Variants in FRMD3 observed in about 807,000 individuals in gnomAD.
FRMD3 encodes the protein FERM domain containing 3.
A neutral mutation model predicts 70.2 loss-of-function variants in FRMD3; 33 were observed. That is an observed-to-expected ratio of 0.47 (90% confidence interval 0.36 to 0.63). FRMD3 has a LOEUF of 0.63. FRMD3 is among the 20% of genes least tolerant of loss of function. The pLI, the probability that FRMD3 is intolerant of heterozygous loss-of-function variation, is 0.00. For missense variants in FRMD3, 632 were observed against 711.4 expected, an observed-to-expected ratio of 0.89 and a Z score of 1.27; for synonymous variants, 279 against 255.9, an observed-to-expected ratio of 1.09 and a Z score of -0.86.
the FRMD3 span, among the ~76,000 whole-genome samples, chr9:83,572,359 G>A: frequency 1.3e-5 from 2 of 152,238 alleles, no homozygotes; most frequent in African/African-American, 4.8e-5. Flanking sequence ...GGACAGGCCT[G>A]AAAGGGCAGC....
At chr9:83,375,794 A>G (rs139352568) in intron 2 of FRMD3, among the ~76,000 whole-genome samples, 1,931 of 152,274 alleles carry the variant, frequency 0.013, 33 homozygotes, top group African/African-American at 0.044. Context: ...GTGTGATGAA[A>G]TAATCTGTAC....
intron 4 of FRMD3, among the ~76,000 whole-genome samples, chr9:83,347,311 T>C (rs541226314): frequency 2.6e-5 from 4 of 152,270 alleles, no homozygotes; most frequent in African/African-American, 9.6e-5. Flanking sequence ...TTTTATATAA[T>C]AGCTACCAAA....
chr9:83,375,329 C>T (rs28585601), intron 2 of FRMD3, among the ~76,000 whole-genome samples: 107,686 of 152,216 alleles, frequency 0.71, 38,346 homozygotes, highest in Admixed American at 0.73. Context: ...TCCTAAGAAA[C>T]ACACCTTGCA....
rs557296954 is a variant in FRMD3, at chr9:83,367,734, T to C, written c.295+5179A>G. Among the ~76,000 whole-genome samples the C allele has an allele frequency of 2.0e-5, 3 of 152,356 alleles. No homozygotes were observed. In the South Asian group the frequency reaches 6.2e-4, roughly 32 times the overall value. On this transcript the variant is annotated intron_variant, in intron 3 of 13. Transcript: ENST00000304195. ...AAAATCTCAAGCCTAATTTATTTAA[T>C]AGTTATAATACTACTCAAGTTATAT... is the stretch of plus-strand genomic sequence containing the variant.
intron 13 of FRMD3, among the ~76,000 whole-genome samples, chr9:83,265,349 G>A (rs1431006042): frequency 6.9e-5 from 10 of 144,722 alleles, no homozygotes; most frequent in Non-Finnish European, 1.0e-4. Flanking sequence ...GCAGTGAGCC[G>A]AGATGGTGCC....
At chr9:83,327,426 A>C (rs3903842) in intron 6 of FRMD3, among the ~76,000 whole-genome samples, 68,571 of 152,014 alleles carry the variant, frequency 0.45, 16,063 homozygotes, top group African/African-American at 0.59. Context: ...TATAGCATTC[A>C]TGTGGAATGT....
intron 13 of FRMD3, among the ~76,000 whole-genome samples, chr9:83,253,073 A>G (rs1832505783): frequency 6.6e-6 from 1 of 152,184 alleles, no homozygotes; most frequent in Non-Finnish European, 1.5e-5. Flanking sequence ...AAGAAGATAT[A>G]TTCTTATTGC....
chr9:83,501,998 A>C (rs1006914791), intron 1 of FRMD3, among the ~76,000 whole-genome samples: 2 of 152,222 alleles, frequency 1.3e-5, no homozygotes, highest in African/African-American at 4.8e-5. Flanking sequence ...CAACTCCTTT[A>C]AGTGCATGAA....
intron 13 of FRMD3, among the ~76,000 whole-genome samples, chr9:83,253,455 G>T (rs1832524130): frequency 6.6e-6 from 1 of 152,110 alleles, no homozygotes; most frequent in South Asian, 2.1e-4. Flanking sequence ...GTGGGCAAAA[G>T]ATATGAACAG....
chr9:83,557,481 C>T, the FRMD3 span, among the ~76,000 whole-genome samples: 2 of 152,092 alleles, frequency 1.3e-5, no homozygotes, highest in Non-Finnish European at 2.9e-5. Flanking sequence ...TAATTGGGAC[C>T]ACTGGAAGCA....
At chr9:83,283,748 T>C (rs1834074056) in intron 13 of FRMD3, among the ~76,000 whole-genome samples, 1 of 152,158 alleles carries the variant, frequency 6.6e-6, no homozygotes, top group Admixed American at 6.5e-5. Context: ...TAGATAAGAA[T>C]GTTCAGGATA....
At chr9:83,381,274 G>A (rs201713668) in intron 2 of FRMD3, among the ~76,000 whole-genome samples, 6 of 152,136 alleles carry the variant, frequency 3.9e-5, no homozygotes, top group South Asian at 4.1e-4. Flanking sequence ...AAGAAAATCC[G>A]CTGGGCACAG....
chr9:83,312,242 A>G (rs2031261), intron 7 of FRMD3, among the ~76,000 whole-genome samples: 24,123 of 152,140 alleles, frequency 0.16, 1,955 homozygotes, highest in South Asian at 0.22. Context: ...AATTAGTCCC[A>G]AATCACTATG....
intron 1 of FRMD3, among the ~76,000 whole-genome samples, chr9:83,477,471 G>T (rs1828428207): frequency 1.3e-5 from 2 of 152,120 alleles, no homozygotes. Flanking sequence ...CCTCCACAGA[G>T]ATTCTGATTT....
intron 1 of FRMD3, among the ~76,000 whole-genome samples, chr9:83,481,030 A>G (rs996296570): frequency 2.0e-5 from 3 of 152,236 alleles, no homozygotes; most frequent in Admixed American, 2.0e-4. Flanking sequence ...CTTTACATGA[A>G]AACACATAGA....
chr9:83,244,698 A>G lies in FRMD3; in HGVS notation c.*3220T>C, dbSNP rs1832004553. 1.0e-6 allele frequency: 1 copy of G among 984,966 alleles called. No homozygotes were observed. Among genetic ancestry groups the G allele is most frequent in the Admixed American group, 6.1e-5 (1 of 16,266 alleles). 61.0% of individuals were successfully genotyped at this position (984,966 alleles called of 1,614,324 possible). A position where few individuals can be genotyped will look rare whatever the true frequency, so the allele number is the denominator to read the frequency against. On this transcript the variant is annotated 3_prime_UTR_variant, in exon 14 of 14. Transcript: ENST00000304195. ...AAAACAATCTGGATGTTGACATAGA[A>G]ATGCAAATTTCACTATACAAAGGTA... is the stretch of plus-strand genomic sequence containing the variant.
the FRMD3 span, among the ~76,000 whole-genome samples, chr9:83,571,069 G>C: frequency 6.6e-6 from 1 of 152,194 alleles, no homozygotes; most frequent in African/African-American, 2.4e-5. Context: ...GAGTCATTGA[G>C]GCTGGGGGGG....
At chr9:83,501,001 T>TGA (rs1829056339) in intron 1 of FRMD3, among the ~76,000 whole-genome samples, 1 of 152,226 alleles carries the variant, frequency 6.6e-6, no homozygotes, top group East Asian at 1.9e-4. Context: ...GCGAAATACA[T>TGA]TATGTCCAAA....
intron 3 of FRMD3, 102 bp from the exon 4 acceptor site, chr9:83,349,859 G>T (rs1169833093): frequency 6.3e-6 from 5 of 789,554 alleles, no homozygotes; most frequent in African/African-American, 1.7e-5. Context: ...CTAGCCTGGG[G>T]AGTGGGGGCC....
Sources: allele counts gnomAD v4.1 joint callset (sites outside exome capture counted in the v4.1 genomes callset), GRCh38; gene constraint gnomAD v4.1.1; transcripts MANE v1.5; gene names NCBI Gene and HGNC (gene_info 2026-07-23, HGNC 2026-07-21).